The following IL1RAPL2 variants were observed in gnomAD, a reference collection of about 807,000 sequenced individuals.
The protein encoded by IL1RAPL2 is X-linked interleukin-1 receptor accessory protein-like 2.
A neutral mutation model predicts 44.1 loss-of-function variants in IL1RAPL2; 3 were observed. That is an observed-to-expected ratio of 0.07 (90% CI 0.03 to 0.18). The LOEUF is 0.18. Among genes scored for constraint, IL1RAPL2 ranks in the 10% least tolerant of loss-of-function variants. The pLI is 1.00. For synonymous variants in IL1RAPL2, 181 were observed against 178.8 expected, an observed-to-expected ratio of 1.01 and a Z score of -0.10; for missense variants, 391 against 496.4, an observed-to-expected ratio of 0.79 and a Z score of 2.02.
chrX:105,296,137 T>C (rs1197688585), intron 5 of IL1RAPL2, among the ~76,000 whole-genome samples: 2 of 111,397 alleles, frequency 1.8e-5, no homozygotes, highest in African/African-American at 6.5e-5. Context: ...CATATGAAAA[T>C]TCCTTTTAAT....
intron 2 of IL1RAPL2, among the ~76,000 whole-genome samples, chrX:105,149,994 T>C (rs777249505): frequency 5.9e-4 from 66 of 110,941 alleles, no homozygotes; most frequent in South Asian, 1.2e-3. Context: ...TAAATTTTCG[T>C]CAGTTAACAC....
intron 2 of IL1RAPL2, among the ~76,000 whole-genome samples, chrX:104,991,525 G>A (rs1338702166): frequency 1.8e-5 from 2 of 111,879 alleles, no homozygotes; most frequent in Non-Finnish European, 3.8e-5. Flanking sequence ...GTCCAGAGGG[G>A]CACTGATGCC....
chrX:105,293,916 T>C (rs1251961758), intron 5 of IL1RAPL2, among the ~76,000 whole-genome samples: 1 of 112,371 alleles, frequency 8.9e-6, no homozygotes, highest in East Asian at 2.8e-4. Flanking sequence ...AGTAATTGAA[T>C]TGTTTGTAAT....
intron 2 of IL1RAPL2, among the ~76,000 whole-genome samples, chrX:104,893,600 G>T (rs1923537795): frequency 9.0e-6 from 1 of 111,262 alleles, no homozygotes. Flanking sequence ...TCAGAGACTA[G>T]GATTGCAACC....
At chrX:104,700,922 A>G (rs983183294) in intron 2 of IL1RAPL2, among the ~76,000 whole-genome samples, 11 of 112,051 alleles carry the variant, frequency 9.8e-5, no homozygotes, top group East Asian at 2.8e-4. Flanking sequence ...TAAGCCAAAT[A>G]TCACCAATTC....
rs767458434 is a variant in IL1RAPL2 at position 105,001,954 on chromosome X, C to A, written c.83-193521C>A. 1.5e-3 allele frequency among the ~76,000 whole-genome samples: 163 copies of A among 110,929 alleles called. 1 individual carries two copies. Among genetic ancestry groups the A allele is most frequent in the Non-Finnish European group, 2.8e-3 (146 of 52,789 alleles). On this transcript the variant is annotated intron_variant, in intron 2 of 10. Transcript: ENST00000372582. ...TTCTGAAGTGAACAGAAATCAAAAT[C>A]TAGTTAGGTTGGTAATTGGGACCAA... is the stretch of plus-strand genomic sequence containing the variant.
chrX:105,003,220 C>T lies in IL1RAPL2; in HGVS notation c.83-192255C>T, dbSNP rs1245327015. Reference sequence around the variant, plus strand: ...TCAGCATGTCATTCAATTTTTATTACTCTACATTATTATAAGTATCCAGTA... The same window carrying T: ...TCAGCATGTCATTCAATTTTTATTATTCTACATTATTATAAGTATCCAGTA... On this transcript the variant is annotated intron_variant, in intron 2 of 10. Transcript: ENST00000372582. 2.7e-5 allele frequency among the ~76,000 whole-genome samples: 3 copies of T among 111,174 alleles called. No homozygotes were observed. The South Asian group carries it at 1.1e-3, about 42-fold the overall frequency.
At chrX:105,602,450 G>A (rs977278645) in intron 6 of IL1RAPL2, among the ~76,000 whole-genome samples, 1 of 110,293 alleles carries the variant, frequency 9.1e-6, no homozygotes, top group Non-Finnish European at 1.9e-5. Flanking sequence ...ACACCATTAA[G>A]TGCACAAATT....
chrX:105,686,258 C>T (rs2037973014), intron 6 of IL1RAPL2, among the ~76,000 whole-genome samples: 1 of 108,285 alleles, frequency 9.2e-6, no homozygotes, highest in African/African-American at 3.4e-5. Flanking sequence ...CACCAACTGG[C>T]AAATTTGATA....
intron 2 of IL1RAPL2, among the ~76,000 whole-genome samples, chrX:105,052,443 G>T (rs112666802): frequency 0.023 from 2,580 of 111,700 alleles, 63 homozygotes; most frequent in African/African-American, 0.081. Flanking sequence ...GGAACACAAG[G>T]GATATTGAAA....
At chrX:105,189,142 A>G (rs1430605920) in intron 2 of IL1RAPL2, among the ~76,000 whole-genome samples, 1 of 113,066 alleles carries the variant, frequency 8.8e-6, no homozygotes, top group African/African-American at 3.2e-5. Flanking sequence ...ATTGTATTCA[A>G]TAAGTAAAAT....
intron 3 of IL1RAPL2, among the ~76,000 whole-genome samples, chrX:105,198,155 G>A (rs894087881): frequency 2.0e-4 from 22 of 111,616 alleles, no homozygotes; most frequent in Admixed American, 5.7e-4. Context: ...CCGTTGATGG[G>A]CATTTAGGTT....
chrX:105,590,831 GTGTGTGTGTGTGTGTGTT>G (rs2037164113), intron 6 of IL1RAPL2, among the ~76,000 whole-genome samples: 1 of 101,827 alleles, frequency 9.8e-6, no homozygotes, highest in African/African-American at 4.1e-5. Flanking sequence ...GTGTGTGTGT[GTGTGTGTGTGTGTGTGTT>G]TGTGTGTGTT....
At chrX:105,315,578 G>GTA (rs771525814) in intron 5 of IL1RAPL2, among the ~76,000 whole-genome samples, 880 of 21,795 alleles carry the variant, frequency 0.04, 118 homozygotes, top group East Asian at 0.23. Context: ...ACTAATGGAT[G>GTA]TATATATATA....
At chrX:105,429,903 T>C (rs1001744030) in intron 5 of IL1RAPL2, among the ~76,000 whole-genome samples, 5 of 111,150 alleles carry the variant, frequency 4.5e-5, no homozygotes, top group Non-Finnish European at 9.5e-5. Flanking sequence ...CAATCTCAGG[T>C]TTTTCTTTTT....
At chrX:104,939,050 C>CTTTTTTTTTTTTTTTTTTTTTTTTTTTT (rs60881835) in intron 2 of IL1RAPL2, among the ~76,000 whole-genome samples, 1 of 81,497 alleles carries the variant, frequency 1.2e-5, no homozygotes, top group African/African-American at 5.2e-5. Flanking sequence ...TGCATGCTAG[C>CTTTTTTTTTTTTTTTTTTTTTTTTTTTT]TTTTTTTTTT....
At chrX:105,267,009 T>C in intron 4 of IL1RAPL2, among the ~76,000 whole-genome samples, 1 of 112,117 alleles carries the variant, frequency 8.9e-6, no homozygotes, top group Middle Eastern at 4.7e-3. Context: ...CTCTTAGGAC[T>C]CTTAGGAAAT....
intron 1 of IL1RAPL2, among the ~76,000 whole-genome samples, chrX:104,594,633 T>C (rs1227341817): frequency 8.9e-6 from 1 of 112,185 alleles, no homozygotes; most frequent in Non-Finnish European, 1.9e-5. Context: ...AACAAGTAAA[T>C]AAATAAATAT....
At chrX:105,447,089 A>T (rs1258547645) in intron 5 of IL1RAPL2, among the ~76,000 whole-genome samples, 48 of 56,719 alleles carry the variant, frequency 8.5e-4, no homozygotes, top group African/African-American at 5.3e-3. Flanking sequence ...ATATATATAT[A>T]TATATATATA....
Sources: allele counts gnomAD v4.1 joint callset (sites outside exome capture counted in the v4.1 genomes callset), GRCh38; gene constraint gnomAD v4.1.1; transcripts MANE v1.5; gene names NCBI Gene and HGNC (gene_info 2026-07-23, HGNC 2026-07-21).